Variants in RANBP17 observed in about 807,000 individuals in gnomAD.
The protein encoded by RANBP17 is ran-binding protein 17.
In RANBP17, 158 loss-of-function variants were observed where a neutral mutation model predicts 141.2. The observed-to-expected ratio is 1.12, with a 90% CI of 0.98 to 1.28. The LOEUF is 1.28. Ranked by LOEUF, RANBP17 falls within the 50% of genes most tolerant of loss-of-function variation. RANBP17 has a pLI of 0.00. For missense variants in RANBP17, 1,438 were observed against 1,290.7 expected (o/e 1.11, Z -1.75); for synonymous variants, 430 against 450.0 (o/e 0.96, Z 0.56).
At chr5:171,263,341 A>C (rs1342509659) in intron 24 of RANBP17, among the ~76,000 whole-genome samples, 1 of 152,184 alleles carries the variant, frequency 6.6e-6, no homozygotes, top group Non-Finnish European at 1.5e-5. Flanking sequence ...ATCATGTGCA[A>C]ATGTTGTCAG....
intron 16 of RANBP17, among the ~76,000 whole-genome samples, chr5:171,178,089 TA>T (rs1768034157): frequency 6.6e-6 from 1 of 151,876 alleles, no homozygotes; most frequent in Admixed American, 6.6e-5. Context: ...GTTACATAGG[TA>T]TACACATGCC....
intron 14 of RANBP17, among the ~76,000 whole-genome samples, chr5:171,071,349 A>T (rs940285595): frequency 2.1e-4 from 32 of 152,230 alleles, no homozygotes; most frequent in African/African-American, 7.7e-4. Flanking sequence ...AGATATTGAC[A>T]AGCTAATTCT....
chr5:171,194,512 T>G (rs1193256978), intron 18 of RANBP17, among the ~76,000 whole-genome samples: 1 of 152,232 alleles, frequency 6.6e-6, no homozygotes, highest in African/African-American at 2.4e-5. Flanking sequence ...TCAAGGCACA[T>G]TCATGTTTTG....
intron 3 of RANBP17, 98 bp downstream of exon 3, chr5:170,881,994 T>C: frequency 2.9e-6 from 2 of 681,132 alleles, no homozygotes; most frequent in Non-Finnish European, 4.8e-6. Context: ...TTTTTATGTC[T>C]GTCATTTTTA....
At chr5:171,095,436 TATC>T (rs1786617697) in intron 14 of RANBP17, among the ~76,000 whole-genome samples, 1 of 152,158 alleles carries the variant, frequency 6.6e-6, no homozygotes. Flanking sequence ...TCTATTTTAT[TATC>T]TTGGAGTTGA....
At chr5:170,954,596 A>G (rs935953231) in intron 13 of RANBP17, among the ~76,000 whole-genome samples, 4 of 150,228 alleles carry the variant, frequency 2.7e-5, no homozygotes, top group Non-Finnish European at 4.4e-5. Flanking sequence ...CAAATGCAAT[A>G]TCAACATTTT....
intron 5 of RANBP17, among the ~76,000 whole-genome samples, chr5:170,900,930 T>A (rs1196898981): frequency 2.6e-5 from 4 of 152,186 alleles, no homozygotes; most frequent in Admixed American, 1.3e-4. Flanking sequence ...TTACTTCCAA[T>A]TATGTGTCAA....
At chr5:171,261,848 A>G (rs1039406623) in intron 24 of RANBP17, among the ~76,000 whole-genome samples, 3 of 152,206 alleles carry the variant, frequency 2.0e-5, no homozygotes, top group African/African-American at 7.2e-5. Flanking sequence ...GCAAATAAAG[A>G]AAACCAATAG....
chr5:171,129,745 C>T (rs941482849), intron 14 of RANBP17, among the ~76,000 whole-genome samples: 21 of 152,126 alleles, frequency 1.4e-4, no homozygotes, highest in African/African-American at 5.1e-4. Context: ...ACAGTCACAC[C>T]TTACCATGCA....
intron 14 of RANBP17, among the ~76,000 whole-genome samples, chr5:171,109,029 A>G (rs1198538099): frequency 6.6e-6 from 1 of 152,198 alleles, no homozygotes; most frequent in East Asian, 1.9e-4. Context: ...TGGTAACTCT[A>G]TAAGAAATAA....
At chr5:171,200,839 T>C (rs1373027393) in intron 19 of RANBP17, among the ~76,000 whole-genome samples, 2 of 152,214 alleles carry the variant, frequency 1.3e-5, no homozygotes, top group Non-Finnish European at 2.9e-5. Flanking sequence ...AAATTAATGT[T>C]TATCAGCATG....
intron 14 of RANBP17, among the ~76,000 whole-genome samples, chr5:170,996,421 G>A (rs1194884414): frequency 1.3e-5 from 2 of 152,138 alleles, no homozygotes; most frequent in Admixed American, 6.6e-5. Flanking sequence ...CATGAGATTG[G>A]TTGTCTTGAT....
rs1289578978 is a variant in RANBP17, at chr5:170,911,007, G to A, written c.633G>A (p.Gln211=). 6.2e-7 allele frequency: 1 copy of A among 1,611,694 alleles called. No individual in the cohort carries two copies. The highest frequency in any genetic ancestry group is 8.5e-7 in the Non-Finnish European group (1 of 1,178,578). ...CTTTAAATCTTCAGGATCAATGTCAGCAAAATCTGGTAATGCAGGTCTTGA... is the reference window on the plus strand; with the variant it reads ...CTTTAAATCTTCAGGATCAATGTCAACAAAATCTGGTAATGCAGGTCTTGA... The part of the protein sequence containing the change: ...AKPLNLQDQC[Q]QNLVMQVLKL... Residue 211 remains glutamine, a synonymous_variant, in exon 7 of 28, where the codon CAG becomes CAA. Coordinates refer to ENST00000523189, the MANE Select transcript of RANBP17 (RefSeq NM_022897.5).
chr5:170,947,172 A>G (rs1317615595), intron 12 of RANBP17, among the ~76,000 whole-genome samples: 1 of 152,202 alleles, frequency 6.6e-6, no homozygotes, highest in East Asian at 1.9e-4. Flanking sequence ...AATTACTATT[A>G]CCATTCATTA....
At chr5:170,891,811 T>A (rs901657636) in intron 3 of RANBP17, among the ~76,000 whole-genome samples, 3 of 152,226 alleles carry the variant, frequency 2.0e-5, no homozygotes, top group Non-Finnish European at 4.4e-5. Flanking sequence ...GACATGAGAC[T>A]TGGTCAGGGA....
chr5:171,001,154 CGAG>C (rs1779174756), intron 14 of RANBP17, among the ~76,000 whole-genome samples: 1 of 151,796 alleles, frequency 6.6e-6, no homozygotes, highest in Non-Finnish European at 1.5e-5. Context: ...AGGGCTGCTT[CGAG>C]GGGATTAGGG....
chr5:171,115,552 A>G (rs1311087190), intron 14 of RANBP17, among the ~76,000 whole-genome samples: 1 of 152,228 alleles, frequency 6.6e-6, no homozygotes, highest in Non-Finnish European at 1.5e-5. Flanking sequence ...TAACTAGACT[A>G]CATATCCAAA....
intron 14 of RANBP17, among the ~76,000 whole-genome samples, chr5:171,078,544 A>G (rs1028834734): frequency 4.6e-5 from 7 of 152,250 alleles, no homozygotes; most frequent in African/African-American, 7.2e-5. Flanking sequence ...AGAGAAGTCA[A>G]TGCCTGGCTT....
intron 6 of RANBP17, 80 bp downstream of exon 6, chr5:170,909,845 T>C: frequency 1.3e-6 from 1 of 791,370 alleles, no homozygotes; most frequent in Non-Finnish European, 2.1e-6. Flanking sequence ...CAGTTGAATT[T>C]TCCCCCCAGT....
Sources: gnomAD v4.1 joint callset for allele counts (sites outside exome capture counted in the v4.1 genomes callset) on GRCh38, gnomAD v4.1.1 for gene constraint, MANE v1.5 for transcripts, NCBI Gene and HGNC (gene_info 2026-07-23, HGNC 2026-07-21) for gene names.